NID1: variants seen among roughly 807,000 people sequenced by gnomAD.
The protein encoded by NID1 is nidogen-1.
NID1 carries 76 observed loss-of-function variants against 130.6 expected under a neutral mutation model. That is an observed-to-expected ratio of 0.58 (90% CI 0.48 to 0.70). NID1 has a LOEUF of 0.70. Ranked by LOEUF, NID1 falls within the 30% of genes least tolerant of loss-of-function variation. The pLI is 0.00. For synonymous variants in NID1, 665 were observed against 675.1 expected (o/e 0.98, Z 0.23); for missense variants, 1,517 against 1,664.8 (o/e 0.91, Z 1.54).
At chr1:236,013,355 C>A in intron 11 of NID1, 56 bp downstream of exon 11, 3 of 1,593,710 alleles carry the variant, frequency 1.9e-6, no homozygotes, top group Non-Finnish European at 2.6e-6. Context: ...ATGACAGGTA[C>A]CACCTAGGAA....
rs769539197 is a variant in NID1 at position 235,990,914 on chromosome 1, G to C, written c.2900C>G (p.Thr967Arg). ...LPLEGNTMRK[T>R]EAKAFLHVPA... Reference sequence around the variant, plus strand: ...GACATGAAGGAACGCCTTTGCTTCTGTCTTCCTCATGGTATTTCCCTCCAG... The same window carrying C: ...GACATGAAGGAACGCCTTTGCTTCTCTCTTCCTCATGGTATTTCCCTCCAG... Residue 967 changes from threonine (T) to arginine (R), a missense_variant, in exon 14 of 20, where the codon ACA becomes AGA. Transcript: ENST00000264187. The C allele has an allele frequency of 3.7e-6, 6 of 1,614,032 alleles. No homozygotes were observed. Among genetic ancestry groups the C allele is most frequent in the East Asian group, 4.5e-5 (2 of 44,884 alleles).
chr1:236,042,908 C>T (rs190689308), intron 3 of NID1, among the ~76,000 whole-genome samples: 134 of 152,320 alleles, frequency 8.8e-4, no homozygotes, highest in African/African-American at 3.1e-3. Context: ...GTCCAGCTTT[C>T]CCCACTGCCT....
rs1181219127 is a variant in NID1, at chr1:235,977,553, G to A, written c.*314C>T. ...TGGGAGGTTCTGTTCACCACTGGGG[G>A]GCTAGTATTGGGAAAAGGTCCTAGG... On this transcript the variant is annotated 3_prime_UTR_variant, in exon 20 of 20. Coordinates refer to ENST00000264187, the MANE Select transcript of NID1 (RefSeq NM_002508.3). The A allele has an allele frequency of 1.2e-5, 3 of 250,256 alleles. No individual in the cohort carries two copies. Among genetic ancestry groups the A allele is most frequent in the Non-Finnish European group, 2.3e-5 (3 of 127,930 alleles). 15.5% of individuals were successfully genotyped at this position (250,256 alleles called of 1,614,324 possible).
Position 235,981,612 on chromosome 1 carries a change from C to T in NID1, c.3226G>A (p.Gly1076Arg). The change falls in exon 16 of 20, where the codon GGG becomes AGG. Residue 1076 changes from glycine (G) to arginine (R), a missense_variant and splice_region_variant. This residue lies in a region of NID1 where 7 missense variants were observed against 24.3 expected (regional missense o/e 0.29). Transcript: ENST00000264187. ...PRGIVTDSVRGNLYWTDWNRD... is the reference protein window; with the variant it reads ...PRGIVTDSVRRNLYWTDWNRD... Reference sequence around the variant, plus strand: ...ACACACATATTTACACAAAGATACCCTCTCACGGAATCCGTTACAATGCCT... The same window carrying T: ...ACACACATATTTACACAAAGATACCTTCTCACGGAATCCGTTACAATGCCT... The T allele has an allele frequency of 1.9e-6, 3 of 1,610,772 alleles. No individual in the cohort carries two copies. The highest frequency in any genetic ancestry group is 2.5e-6 in the Non-Finnish European group (3 of 1,178,666).
intron 14 of NID1, among the ~76,000 whole-genome samples, chr1:235,988,453 T>A (rs546357160): frequency 6.6e-6 from 1 of 152,348 alleles, no homozygotes; most frequent in African/African-American, 2.4e-5. Flanking sequence ...GTACAACCAC[T>A]GTGGAAAACA....
chr1:235,994,700 C>CTTTT (rs11397466), intron 12 of NID1, among the ~76,000 whole-genome samples: 13 of 142,118 alleles, frequency 9.1e-5, no homozygotes, highest in African/African-American at 1.3e-4. Flanking sequence ...TCTTCTTCTT[C>CTTTT]TTTTTTTTTT....
chr1:236,041,806 CA>C, intron 4 of NID1, 103 bp downstream of exon 4: 1 of 1,429,794 alleles, frequency 7.0e-7, no homozygotes, highest in Middle Eastern at 2.2e-4. Flanking sequence ...CTTATCTTTA[CA>C]AACCACCATG....
Position 236,010,515 on chromosome 1 carries a change from C to A in NID1, c.2527+1406G>T, listed in dbSNP as rs549539426. Among the ~76,000 whole-genome samples the A allele has an allele frequency of 5.9e-5, 9 of 152,202 alleles. No homozygotes were observed. The South Asian group carries it at 1.9e-3, about 32-fold the overall frequency. On this transcript the variant is annotated intron_variant, in intron 12 of 19. Coordinates refer to ENST00000264187, the MANE Select transcript of NID1 (RefSeq NM_002508.3). ...GTCTCGCTATGTTGCCCAGGCCGGT[C>A]TCTCAAACTCCTGGACTCAAGTAAT...
chr1:236,042,592 A>C (rs1659487592), intron 3 of NID1, among the ~76,000 whole-genome samples: 1 of 152,180 alleles, frequency 6.6e-6, no homozygotes, highest in Non-Finnish European at 1.5e-5. Flanking sequence ...GCTCATCCTA[A>C]TTGCTGGTTA....
chr1:236,063,794 CT>C (rs1188663089), intron 1 of NID1, among the ~76,000 whole-genome samples: 1 of 152,134 alleles, frequency 6.6e-6, no homozygotes, highest in Non-Finnish European at 1.5e-5. Context: ...TCTCTAAAAA[CT>C]AAAATAAAAG....
intron 12 of NID1, among the ~76,000 whole-genome samples, chr1:235,998,636 T>C (rs978398809): frequency 6.6e-5 from 10 of 151,850 alleles, no homozygotes; most frequent in Non-Finnish European, 1.3e-4. Context: ...GATTGTGACA[T>C]TGCACTCCAG....
chr1:236,051,405 T>C (rs576058949), intron 1 of NID1, among the ~76,000 whole-genome samples: 3 of 152,226 alleles, frequency 2.0e-5, no homozygotes, highest in African/African-American at 7.2e-5. Flanking sequence ...AAACTTGCTA[T>C]TAATAAAAAG....
chr1:236,032,978 C>A, intron 5 of NID1, among the ~76,000 whole-genome samples: 1 of 152,132 alleles, frequency 6.6e-6, no homozygotes, highest in East Asian at 1.9e-4. Context: ...CAGGGGTGAC[C>A]TAGAACTAAG....
chr1:236,023,075 A>G (rs560961763), intron 9 of NID1, among the ~76,000 whole-genome samples: 6 of 149,950 alleles, frequency 4.0e-5, no homozygotes, highest in East Asian at 2.0e-4. Context: ...AAAAAAAATT[A>G]AAGATAGAAT....
rs1024805205 is a variant in NID1, at chr1:236,029,716, G to A, written c.1572C>T (p.Phe524=). The A allele has an allele frequency of 5.6e-6, 9 of 1,614,026 alleles. No individual in the cohort carries two copies. Among genetic ancestry groups the A allele is most frequent in the African/African-American group, 2.7e-5 (2 of 74,940 alleles). Residue 524 remains phenylalanine, a synonymous_variant, in exon 7 of 20, where the codon TTC becomes TTT. Transcript: ENST00000264187. ...GEFTRQAEVT[F]VGHPGNLVIK... ...TGACCAGATTGCCCGGGTGCCCCAC[G>A]AAGGTCACCTCAGCCTGGCGAGTGA... is the stretch of plus-strand genomic sequence containing the variant.
chr1:236,007,405 C>T (rs942829892), intron 12 of NID1, among the ~76,000 whole-genome samples: 3 of 152,194 alleles, frequency 2.0e-5, no homozygotes, highest in Non-Finnish European at 4.4e-5. Flanking sequence ...CTATGGTGGC[C>T]GACCTCCAAG....
At chr1:235,980,427 G>T (rs1449999695) in intron 17 of NID1, 69 bp downstream of exon 17, 3 of 1,528,194 alleles carry the variant, frequency 2.0e-6, no homozygotes, top group Admixed American at 1.8e-5. Context: ...TGACCCCAGG[G>T]CCCTAGTTTG....
intron 4 of NID1, among the ~76,000 whole-genome samples, chr1:236,038,946 A>T (rs1659355133): frequency 7.1e-6 from 1 of 140,878 alleles, no homozygotes; most frequent in Non-Finnish European, 1.5e-5. Context: ...TTAAATATAA[A>T]TATATAACAT....
intron 8 of NID1, among the ~76,000 whole-genome samples, chr1:236,025,506 C>T (rs887004873): frequency 6.6e-6 from 1 of 152,152 alleles, no homozygotes; most frequent in African/African-American, 2.4e-5. Flanking sequence ...AAGTGATCCA[C>T]CCGCCTCAGC....
Sources: allele counts gnomAD v4.1 joint callset (sites outside exome capture counted in the v4.1 genomes callset), GRCh38; gene constraint gnomAD v4.1.1; regional missense constraint gnomAD v4.1.1; transcripts MANE v1.5; gene names NCBI Gene and HGNC (gene_info 2026-07-23, HGNC 2026-07-21).